The following SLC4A4 variants were observed in gnomAD, a reference collection of about 807,000 sequenced individuals.
The protein encoded by SLC4A4 is solute carrier family 4 member 4.
In SLC4A4, 27 loss-of-function variants were observed where a neutral mutation model predicts 111.5. That is an observed-to-expected ratio of 0.24 (90% CI 0.18 to 0.33). SLC4A4 has a LOEUF of 0.33. Among genes scored for constraint, SLC4A4 ranks in the 10% least tolerant of loss-of-function variants. The probability of loss-of-function intolerance (pLI) is 1.00; values close to 1 mark genes in which losing one functional copy is unlikely to be tolerated. For synonymous variants in SLC4A4, 443 were observed against 463.4 expected, an observed-to-expected ratio of 0.96 and a Z score of 0.57; for missense variants, 909 against 1,315.5, an observed-to-expected ratio of 0.69 and a Z score of 4.78.
chr4:71,355,210 C>T (rs991300024), intron 5 of SLC4A4, among the ~76,000 whole-genome samples: 2 of 152,046 alleles, frequency 1.3e-5, no homozygotes, highest in Non-Finnish European at 2.9e-5. Flanking sequence ...GGAGGCCCTG[C>T]CAGGAAGGGT....
intron 2 of SLC4A4, among the ~76,000 whole-genome samples, chr4:71,111,855 C>G (rs1743098525): frequency 6.6e-6 from 1 of 150,858 alleles, no homozygotes; most frequent in Non-Finnish European, 1.5e-5. Context: ...TGCCACCACA[C>G]TCAGCTAATT....
At chr4:71,387,416 G>A (rs563179627) in intron 6 of SLC4A4, among the ~76,000 whole-genome samples, 2 of 152,164 alleles carry the variant, frequency 1.3e-5, no homozygotes, top group South Asian at 4.2e-4. Context: ...AAGTATCTAG[G>A]AAGGTTGAAG....
At chr4:71,261,907 G>T (rs2579329) in intron 3 of SLC4A4, among the ~76,000 whole-genome samples, 1 of 152,078 alleles carries the variant, frequency 6.6e-6, no homozygotes, top group African/African-American at 2.4e-5. Context: ...GTGCTGGGGT[G>T]CTCAGGGCTA....
intron 7 of SLC4A4, among the ~76,000 whole-genome samples, 156 bp downstream of exon 7, chr4:71,397,809 G>A (rs1719966788): frequency 6.6e-6 from 1 of 152,172 alleles, no homozygotes; most frequent in South Asian, 2.1e-4. Flanking sequence ...AGCAGTGTGT[G>A]AAGGGAGCTG....
chr4:71,340,245 A>G (rs1243994281), intron 4 of SLC4A4, among the ~76,000 whole-genome samples: 1 of 152,010 alleles, frequency 6.6e-6, no homozygotes, highest in Admixed American at 6.6e-5. Context: ...TGAAATAAAA[A>G]AGAGATTATT....
intron 16 of SLC4A4, among the ~76,000 whole-genome samples, chr4:71,506,850 G>T (rs565425052): frequency 6.6e-6 from 1 of 152,068 alleles, no homozygotes; most frequent in Admixed American, 6.6e-5. Flanking sequence ...AGAGAGAAAG[G>T]CAAGATCACC....
intron 2 of SLC4A4, among the ~76,000 whole-genome samples, chr4:71,243,169 G>A (rs1487210934): frequency 5.3e-5 from 8 of 152,176 alleles, no homozygotes; most frequent in Admixed American, 5.2e-4. Flanking sequence ...ATTCAAGAAT[G>A]TAGTGTTTTT....
At chr4:71,172,033 G>A (rs1158266528) in intron 2 of SLC4A4, among the ~76,000 whole-genome samples, 1 of 151,916 alleles carries the variant, frequency 6.6e-6, no homozygotes, top group Non-Finnish European at 1.5e-5. Context: ...AACTTCCCTG[G>A]ACTAGGACAC....
intron 20 of SLC4A4, among the ~76,000 whole-genome samples, chr4:71,548,427 T>C (rs1022361484): frequency 2.0e-5 from 3 of 151,918 alleles, no homozygotes; most frequent in Admixed American, 1.3e-4. Context: ...TATTAAGAAG[T>C]AAACTAAAAC....
At chr4:71,223,208 C>T (rs1321935794) in intron 1 of SLC4A4, among the ~76,000 whole-genome samples, 1 of 151,506 alleles carries the variant, frequency 6.6e-6, no homozygotes, top group Non-Finnish European at 1.5e-5. Context: ...CCAAGCCTCC[C>T]TCTGTCGCCC....
chr4:71,440,874 C>G, intron 8 of SLC4A4, 101 bp downstream of exon 8: 1 of 1,331,506 alleles, frequency 7.5e-7, no homozygotes, highest in South Asian at 1.2e-5. Context: ...TTAGTGCAAA[C>G]ACATTGGAGA....
chr4:71,525,632 A>C (rs956526156), intron 16 of SLC4A4, among the ~76,000 whole-genome samples: 31 of 152,216 alleles, frequency 2.0e-4, no homozygotes, highest in African/African-American at 7.5e-4. Flanking sequence ...ACCACAATTT[A>C]TGATGTTTGT....
chr4:71,376,564 AT>A (rs1277030132), intron 6 of SLC4A4, among the ~76,000 whole-genome samples: 9 of 148,576 alleles, frequency 6.1e-5, no homozygotes, highest in African/African-American at 2.2e-4. Flanking sequence ...ATTGTGTGTC[AT>A]TTAATCATAT....
rs144126175 is a variant in SLC4A4 at position 71,491,352 on chromosome 4, A to C, written c.1974+4334A>C. ...ATCAGTCAGTACTCAAAAGGGCTAC[A>C]GCACGTCCTCAGATTACACCACTTC... On this transcript the variant is annotated intron_variant, in intron 15 of 25. Transcript: ENST00000264485. Among the ~76,000 whole-genome samples, 348 of 152,054 alleles carry C rather than the reference A, an allele frequency of 2.3e-3. 3 individuals carry two copies. Among genetic ancestry groups the C allele is most frequent in the African/African-American group, 8.0e-3 (334 of 41,530 alleles).
intron 12 of SLC4A4, among the ~76,000 whole-genome samples, chr4:71,459,125 T>A (rs2149088357): frequency 6.6e-6 from 1 of 152,160 alleles, no homozygotes; most frequent in East Asian, 1.9e-4. Flanking sequence ...AAATCCTGTT[T>A]GATTGAGGTT....
At position 71,545,720 on chromosome 4, in the gene SLC4A4, C is replaced by T. The variant is rs559740835; in HGVS notation, c.2443-630C>T. ...TAATAGATTGTTAAACATTTACTTT[C>T]ACATATTATGAAAGCTGAGAAATGG... is the stretch of plus-strand genomic sequence containing the variant. On this transcript the variant is annotated intron_variant, in intron 18 of 25. Coordinates refer to ENST00000264485, the MANE Select transcript of SLC4A4 (RefSeq NM_001098484.3). 1.0e-3 allele frequency among the ~76,000 whole-genome samples: 152 copies of T among 152,064 alleles called. 1 individual carries two copies. The South Asian group carries it at 0.013, about 13-fold the overall frequency.
chr4:71,227,443 G>C (rs1175711290), intron 1 of SLC4A4, among the ~76,000 whole-genome samples: 1 of 152,176 alleles, frequency 6.6e-6, no homozygotes, highest in Admixed American at 6.5e-5. Context: ...GGAGCCCAGA[G>C]AGAAACCACT....
chr4:71,087,770 C>T (rs1159730703), intron 1 of SLC4A4, among the ~76,000 whole-genome samples: 1 of 152,018 alleles, frequency 6.6e-6, no homozygotes, highest in Non-Finnish European at 1.5e-5. Context: ...GTCTGAGAGA[C>T]TGTTTGTTAT....
At chr4:71,149,076 T>C (rs1744252026) in intron 2 of SLC4A4, among the ~76,000 whole-genome samples, 1 of 152,178 alleles carries the variant, frequency 6.6e-6, no homozygotes. Flanking sequence ...TTTTTAATAA[T>C]AGCTATTCAA....
Sources: gnomAD v4.1 joint callset for allele counts (sites outside exome capture counted in the v4.1 genomes callset) on GRCh38, gnomAD v4.1.1 for gene constraint, MANE v1.5 for transcripts, NCBI Gene and HGNC (gene_info 2026-07-23, HGNC 2026-07-21) for gene names.